Variants in OTUD7A observed in about 807,000 individuals in gnomAD.
The protein encoded by OTUD7A is OTU deubiquitinase 7A.
A neutral mutation model predicts 65.7 loss-of-function variants in OTUD7A; 12 were observed. The ratio of observed to expected loss-of-function variants is 0.18; its 90% CI spans 0.12 to 0.30. The LOEUF (loss-of-function observed/expected upper bound fraction) is 0.30. Ranked by LOEUF, OTUD7A falls within the 10% of genes least tolerant of loss-of-function variation. The pLI, the probability that OTUD7A is intolerant of heterozygous loss-of-function variation, is 1.00. For missense variants in OTUD7A, 1,148 were observed against 1,304.8 expected, an observed-to-expected ratio of 0.88 and a Z score of 1.85; for synonymous variants, 641 against 586.3, an observed-to-expected ratio of 1.09 and a Z score of -1.35.
At chr15:31,839,546 C>A (rs1397670533) in intron 1 of OTUD7A, among the ~76,000 whole-genome samples, 1 of 152,150 alleles carries the variant, frequency 6.6e-6, no homozygotes, top group East Asian at 1.9e-4. Context: ...AAGACACACC[C>A]CTTGCTGCAG....
intron 1 of OTUD7A, among the ~76,000 whole-genome samples, chr15:31,778,295 A>T (rs1895442615): frequency 6.6e-6 from 1 of 152,160 alleles, no homozygotes; most frequent in Non-Finnish European, 1.5e-5. Flanking sequence ...CTTCACAGGT[A>T]AAACCATGGA....
chr15:31,667,537 C>T (rs1892354221), intron 1 of OTUD7A, among the ~76,000 whole-genome samples: 2 of 152,120 alleles, frequency 1.3e-5, no homozygotes, highest in Admixed American at 1.3e-4. Context: ...TTAGGTGAGT[C>T]TCCTGAAGGC....
At chr15:31,842,761 G>C (rs562637511) in intron 1 of OTUD7A, among the ~76,000 whole-genome samples, 1 of 152,120 alleles carries the variant, frequency 6.6e-6, no homozygotes, top group Non-Finnish European at 1.5e-5. Context: ...TCACATCGCT[G>C]CCTCCCTATT....
chr15:31,733,948 G>A (rs567120325), intron 1 of OTUD7A, among the ~76,000 whole-genome samples: 4 of 152,128 alleles, frequency 2.6e-5, no homozygotes, highest in African/African-American at 4.8e-5. Context: ...AGCAGGGGCA[G>A]GTGAAACACG....
At chr15:31,517,707 C>T (rs2041878174) in intron 8 of OTUD7A, among the ~76,000 whole-genome samples, 2 of 152,122 alleles carry the variant, frequency 1.3e-5, no homozygotes, top group African/African-American at 4.8e-5. Flanking sequence ...TACCGTCTAC[C>T]CAATGAAAAC....
chr15:31,686,934 T>A (rs1892850735), intron 1 of OTUD7A, among the ~76,000 whole-genome samples: 1 of 152,136 alleles, frequency 6.6e-6, no homozygotes, highest in African/African-American at 2.4e-5. Context: ...TTAACATGTT[T>A]TCCAACAGCA....
rs72711415 is a variant in OTUD7A, at chr15:31,869,853, G to A, written c.-100+654C>T. Among the ~76,000 whole-genome samples the A allele has an allele frequency of 4.1e-3, 623 of 152,270 alleles. 3 individuals are homozygous for A. The highest frequency in any genetic ancestry group is 0.027 in the Middle Eastern group (8 of 294). On this transcript the variant is annotated intron_variant, in intron 1 of 12. Coordinates refer to ENST00000307050, the MANE Select transcript of OTUD7A (RefSeq NM_001382637.1). ...TCACTGACATCTCCCAAATTTAAAG[G>A]AGCACTTAAAGCACCGCAGATGCAA...
At position 31,481,825 on chromosome 15, in the gene OTUD7A, G is replaced by A. The variant is rs1290293909; in HGVS notation, c.*1469C>T. The stretch of plus-strand genomic sequence containing the variant: ...GAGGAGAAGCTGGCTCCAGTGAAGA[G>A]ATGGTCGACCTCCTGCTTTTTCTGA... On this transcript the variant is annotated 3_prime_UTR_variant, in exon 13 of 13. Coordinates refer to ENST00000307050, the MANE Select transcript of OTUD7A (RefSeq NM_001382637.1). The A allele has an allele frequency of 6.6e-6, 1 of 152,290 alleles. No individual in the cohort carries two copies. The highest frequency in any genetic ancestry group is 2.4e-5 in the African/African-American group (1 of 41,396). 9.4% of individuals were successfully genotyped at this position (152,290 alleles called of 1,614,324 possible).
intron 3 of OTUD7A, among the ~76,000 whole-genome samples, chr15:31,629,487 C>T (rs1423495637): frequency 6.6e-6 from 1 of 152,236 alleles, no homozygotes; most frequent in East Asian, 1.9e-4. Context: ...CTGCTGGATT[C>T]GGTCTGCCAG....
intron 3 of OTUD7A, among the ~76,000 whole-genome samples, chr15:31,588,950 C>G (rs1889631786): frequency 6.6e-6 from 1 of 152,174 alleles, no homozygotes; most frequent in African/African-American, 2.4e-5. Flanking sequence ...CTATGATGGG[C>G]CAGCCTAGAA....
chr15:31,601,157 A>T (rs1312581651), intron 3 of OTUD7A, among the ~76,000 whole-genome samples: 1 of 152,200 alleles, frequency 6.6e-6, no homozygotes, highest in Non-Finnish European at 1.5e-5. Context: ...CAGAATATAC[A>T]TTCTTCTCGG....
At chr15:31,515,161 G>C (rs1184981954) in intron 8 of OTUD7A, among the ~76,000 whole-genome samples, 4 of 152,176 alleles carry the variant, frequency 2.6e-5, no homozygotes, top group African/African-American at 7.2e-5. Context: ...GTGGAGCACT[G>C]TTCCTTCCCT....
intron 3 of OTUD7A, among the ~76,000 whole-genome samples, chr15:31,577,031 A>G (rs1889222879): frequency 6.6e-6 from 1 of 152,204 alleles, no homozygotes; most frequent in African/African-American, 2.4e-5. Flanking sequence ...TAGCAATGAG[A>G]TACCAAATTC....
intron 1 of OTUD7A, among the ~76,000 whole-genome samples, chr15:31,663,882 C>T (rs2141287731): frequency 6.6e-6 from 1 of 152,230 alleles, no homozygotes; most frequent in Non-Finnish European, 1.5e-5. Context: ...GCCTTTGCGT[C>T]CTCATAGCTT....
chr15:31,625,831 C>T (rs1254425613), intron 3 of OTUD7A, among the ~76,000 whole-genome samples: 1 of 152,104 alleles, frequency 6.6e-6, no homozygotes, highest in Non-Finnish European at 1.5e-5. Flanking sequence ...ACTTAGCACA[C>T]TTCATTCTTT....
chr15:31,635,999 C>T (rs1486591984), intron 3 of OTUD7A, among the ~76,000 whole-genome samples: 1 of 152,228 alleles, frequency 6.6e-6, no homozygotes, highest in East Asian at 1.9e-4. Context: ...CAGGTGCTGT[C>T]TGCATCAGTC....
chr15:31,842,519 T>C (rs1897208119), intron 1 of OTUD7A, among the ~76,000 whole-genome samples: 1 of 152,138 alleles, frequency 6.6e-6, no homozygotes, highest in South Asian at 2.1e-4. Flanking sequence ...ATCCCTCTGA[T>C]GGCTGGTTTC....
intron 1 of OTUD7A, among the ~76,000 whole-genome samples, chr15:31,704,496 C>T (rs995912676): frequency 8.2e-5 from 12 of 146,600 alleles, no homozygotes; most frequent in Non-Finnish European, 1.6e-4. Flanking sequence ...ATTTGAGTTA[C>T]GTAAGTTCTG....
intron 1 of OTUD7A, among the ~76,000 whole-genome samples, chr15:31,753,415 ACTGTACC>A (rs1458771103): frequency 6.6e-6 from 1 of 151,468 alleles, no homozygotes; most frequent in Non-Finnish European, 1.5e-5. Flanking sequence ...GGCAGTATAC[ACTGTACC>A]CTATTTCTAG....
Sources: gnomAD v4.1 joint callset for allele counts (sites outside exome capture counted in the v4.1 genomes callset) on GRCh38, gnomAD v4.1.1 for gene constraint, MANE v1.5 for transcripts, NCBI Gene and HGNC (gene_info 2026-07-23, HGNC 2026-07-21) for gene names.